The following ADGRA2 variants were observed in gnomAD, a reference collection of about 807,000 sequenced individuals.
ADGRA2 encodes the protein G-protein coupled receptor 124.
In ADGRA2, 61 loss-of-function variants were observed where a neutral mutation model predicts 98.7. The observed-to-expected ratio is 0.62, with a 90% CI of 0.50 to 0.76. The LOEUF is 0.76. Ranked by LOEUF, ADGRA2 falls within the 30% of genes least tolerant of loss-of-function variation. ADGRA2 has a pLI of 0.00. For missense variants in ADGRA2, 1,712 were observed against 1,860.0 expected (o/e 0.92, Z 1.46); for synonymous variants, 858 against 831.5 (o/e 1.03, Z -0.55).
chr8:37,798,713 A>C lies in ADGRA2; in HGVS notation c.266+1179A>C, dbSNP rs7844795. On this transcript the variant is annotated intron_variant, in intron 1 of 18. Transcript: ENST00000412232. Reference sequence around the variant, plus strand: ...TGGCCCAGTCTTTTCGATTGTGTCCAGAACAATACAGTAACGCCTCTGGTT... The same window carrying C: ...TGGCCCAGTCTTTTCGATTGTGTCCCGAACAATACAGTAACGCCTCTGGTT... 2.5e-3 allele frequency among the ~76,000 whole-genome samples: 374 copies of C among 152,366 alleles called. 5 individuals carry two copies. The highest frequency in any genetic ancestry group is 8.2e-3 in the African/African-American group (341 of 41,586).
chr8:37,844,494 G>A lies in ADGRA2; in HGVS notation c.*2139G>A, dbSNP rs75966225. On this transcript the variant is annotated 3_prime_UTR_variant, in exon 19 of 19. Transcript: ENST00000412232. The stretch of plus-strand genomic sequence containing the variant: ...AGTGCTCCCAGTGGATATCCATCAG[G>A]GAGGGTTAGGGACACTCGTGGCAGC... 3.0e-4 allele frequency: 482 copies of A among 1,612,006 alleles called. 8 individuals are homozygous for A. The East Asian group carries it at 7.9e-3, about 26-fold the overall frequency.
At position 37,840,875 on chromosome 8, in the gene ADGRA2, A is replaced by G. The variant is rs368687985; in HGVS notation, c.2747+26A>G. The G allele has an allele frequency of 6.4e-6, 6 of 944,510 alleles. No individual in the cohort carries two copies. The African/African-American group carries it at 8.6e-5, about 14-fold the overall frequency. The allele number at this position is 944,510 out of a possible 1,614,324, so 58.5% of individuals were successfully genotyped here. A position where few individuals can be genotyped will look rare whatever the true frequency, so the allele number is the denominator to read the frequency against. ...GTGAGCACCCCTCCCTCCCGCCCCA[A>G]GCCTACCTACCTAACACCAGATGCC... On this transcript the variant is annotated intron_variant, in intron 18 of 18. Coordinates refer to ENST00000412232, the MANE Select transcript of ADGRA2 (RefSeq NM_032777.10).
At chr8:37,811,691 G>T (rs917703048) in intron 1 of ADGRA2, among the ~76,000 whole-genome samples, 2 of 151,252 alleles carry the variant, frequency 1.3e-5, no homozygotes, top group African/African-American at 4.9e-5. Flanking sequence ...TGCCAGGCTG[G>T]TCTCAAACTC....
rs111502620 is a variant in ADGRA2 at position 37,830,994 on chromosome 8, C to G, written c.932+71C>G. The G allele has an allele frequency of 3.9e-3, 4,375 of 1,112,860 alleles. 122 individuals carry two copies. The African/African-American group carries it at 0.059, about 15-fold the overall frequency. The allele number at this position is 1,112,860 out of a possible 1,614,324, so 68.9% of individuals were successfully genotyped here. On this transcript the variant is annotated intron_variant, in intron 7 of 18. Transcript: ENST00000412232. The surrounding 1 kb of genome is among the most constrained non-coding windows in gnomAD (Gnocchi z 4.8). Reference sequence around the variant, plus strand: ...GGACCTACCCTACCCGTCACCACCCCGCAAAAGAGCTGCCCCCAGATGTGT... The same window carrying G: ...GGACCTACCCTACCCGTCACCACCCGGCAAAAGAGCTGCCCCCAGATGTGT...
chr8:37,840,864 C>CA lies in ADGRA2; in HGVS notation c.2747+15_2747+16insA. 6 of 1,426,772 alleles carry CA rather than the reference C, an allele frequency of 4.2e-6. No homozygotes were observed. The highest frequency in any genetic ancestry group is 3.9e-6 in the Non-Finnish European group (4 of 1,014,652). The allele number at this position is 1,426,772 out of a possible 1,614,324, so 88.4% of individuals were successfully genotyped here. On this transcript the variant is annotated intron_variant, in intron 18 of 18. Coordinates refer to ENST00000412232, the MANE Select transcript of ADGRA2 (RefSeq NM_032777.10). ...CACAGCCCCTAGTGAGCACCCCTCC[C>CA]TCCCGCCCCAAGCCTACCTACCTAA...
chr8:37,798,725 T>C (rs894624732), intron 1 of ADGRA2, among the ~76,000 whole-genome samples: 11 of 152,256 alleles, frequency 7.2e-5, no homozygotes, highest in Non-Finnish European at 1.6e-4. Flanking sequence ...AACAATACAG[T>C]AACGCCTCTG....
rs763706647 is a variant in ADGRA2, at chr8:37,844,751, T to C, written c.*2396T>C. ...AATTATTTCCCACCTCCCCTTCTCCTTGCCCCTGTCCCCACCCCGGTGGCT... is the reference window on the plus strand; with the variant it reads ...AATTATTTCCCACCTCCCCTTCTCCCTGCCCCTGTCCCCACCCCGGTGGCT... On this transcript the variant is annotated 3_prime_UTR_variant, in exon 19 of 19. Transcript: ENST00000412232. The C allele has an allele frequency of 6.2e-7, 1 of 1,614,064 alleles. No individual in the cohort carries two copies. Among genetic ancestry groups the C allele is most frequent in the South Asian group, 1.1e-5 (1 of 91,078 alleles).
intron 1 of ADGRA2, among the ~76,000 whole-genome samples, chr8:37,801,384 C>T (rs1347351743): frequency 6.6e-6 from 1 of 152,126 alleles, no homozygotes; most frequent in African/African-American, 2.4e-5. Flanking sequence ...TGGGCCTCCC[C>T]CAGGGAAAAG....
chr8:37,839,349 G>A, intron 15 of ADGRA2, 150 bp from the exon 16 acceptor site: 2 of 1,424,370 alleles, frequency 1.4e-6, no homozygotes, highest in Non-Finnish European at 1.9e-6. Context: ...GAGGGGTTAA[G>A]GACTCCCTAC....
Position 37,841,924 on chromosome 8 carries a change from T to G in ADGRA2, c.3586T>G (p.Cys1196Gly), listed in dbSNP as rs1805811525. Reference protein sequence around the residue: ...RAKGHRAGEACGKNRLKALRG... With the variant: ...RAKGHRAGEAGGKNRLKALRG... ...CAAGGGACACCGCGCGGGGGAGGCCTGCGGCAAGAACCGGCTCAAGGCCCT... is the reference window on the plus strand; with the variant it reads ...CAAGGGACACCGCGCGGGGGAGGCCGGCGGCAAGAACCGGCTCAAGGCCCT... Residue 1196 changes from cysteine to glycine, a missense_variant, in exon 19 of 19, where the codon TGC becomes GGC. By Grantham distance (159) the Cys-to-Gly change is radical. Transcript: ENST00000412232. The surrounding 1 kb of genome is among the most constrained non-coding windows in gnomAD (Gnocchi z 5.0). The G allele has an allele frequency of 6.6e-7, 1 of 1,523,214 alleles. No individual in the cohort carries two copies. The highest frequency in any genetic ancestry group is 8.8e-7 in the Non-Finnish European group (1 of 1,142,666). The allele number at this position is 1,523,214 out of a possible 1,614,324, so 94.4% of individuals were successfully genotyped here.
At position 37,834,518 on chromosome 8, in the gene ADGRA2, T is replaced by C. The variant is rs1805551643; in HGVS notation, c.1608+390T>C. ...ATAACAACCACAGTACAGCATCGTG[T>C]ATGTTCAAGATATTGTGCTAGGCCC... On this transcript the variant is annotated intron_variant, in intron 11 of 18. Coordinates refer to ENST00000412232, the MANE Select transcript of ADGRA2 (RefSeq NM_032777.10). This position sits in a 1 kb window ranked among gnomAD's most constrained non-coding sequence, Gnocchi z 4.2. Among the ~76,000 whole-genome samples the C allele has an allele frequency of 6.6e-6, 1 of 152,308 alleles. No individual in the cohort carries two copies. Among genetic ancestry groups the C allele is most frequent in the East Asian group, 1.9e-4 (1 of 5,170 alleles).
At chr8:37,836,978 G>A (rs1326159641) in intron 13 of ADGRA2, among the ~76,000 whole-genome samples, 4 of 152,178 alleles carry the variant, frequency 2.6e-5, no homozygotes, top group East Asian at 1.9e-4. Flanking sequence ...AGACAGTTAC[G>A]GCTGTGTCCT....
chr8:37,832,734 G>A (rs918182619), intron 8 of ADGRA2, among the ~76,000 whole-genome samples: 35 of 152,188 alleles, frequency 2.3e-4, no homozygotes, highest in Admixed American at 1.6e-3. Context: ...TACTGAGGCC[G>A]AGAAAGGATA....
intron 1 of ADGRA2, among the ~76,000 whole-genome samples, chr8:37,809,897 C>T (rs1342678438): frequency 2.6e-5 from 4 of 152,096 alleles, no homozygotes; most frequent in Admixed American, 1.3e-4. Context: ...GGATGGGAGC[C>T]GGTCCCAGAG....
chr8:37,813,227 C>G (rs1045570145), intron 1 of ADGRA2, among the ~76,000 whole-genome samples: 1 of 152,184 alleles, frequency 6.6e-6, no homozygotes, highest in South Asian at 2.1e-4. Context: ...GACCTCATCT[C>G]TAAAAAAATT....
chr8:37,839,400 G>A, intron 15 of ADGRA2, 99 bp from the exon 16 acceptor site: 2 of 1,540,978 alleles, frequency 1.3e-6, no homozygotes, highest in Non-Finnish European at 1.8e-6. Flanking sequence ...CACACACGCA[G>A]ATATGTGCCT....
rs1805534426 is a variant in ADGRA2 at position 37,833,969 on chromosome 8, G to A, written c.1449G>A (p.Leu483=). ...FLGYVDQIKE[L]VEVMVDMASN... is the part of the protein sequence containing the mutation. The stretch of plus-strand genomic sequence containing the variant: ...CAGCAACTTCCCTGTCCCCCCAGCT[G>A]GTAGAGGTGATGGTGGACATGGCCA... The change falls in exon 11 of 19, where the codon CTG becomes CTA. Residue 483 remains leucine, a splice_region_variant and synonymous_variant. Coordinates refer to ENST00000412232, the MANE Select transcript of ADGRA2 (RefSeq NM_032777.10). The A allele has an allele frequency of 1.2e-6, 2 of 1,611,956 alleles. No individual in the cohort carries two copies. The highest frequency in any genetic ancestry group is 2.7e-5 in the African/African-American group (2 of 74,928).
Sources: allele counts gnomAD v4.1 joint callset (sites outside exome capture counted in the v4.1 genomes callset), GRCh38; gene constraint gnomAD v4.1.1; non-coding constraint Gnocchi (gnomAD v3.1); transcripts MANE v1.5; gene names NCBI Gene and HGNC (gene_info 2026-07-23, HGNC 2026-07-21).